PCDH7: variants seen among roughly 807,000 people sequenced by gnomAD.
The protein encoded by PCDH7 is protocadherin 7, also known as protocadherin-7.
Under a neutral mutation model 58.9 loss-of-function variants are expected in PCDH7, and 17 were observed. The ratio of observed to expected loss-of-function variants is 0.29; its 90% CI spans 0.20 to 0.43. PCDH7 has a LOEUF of 0.43. Among genes scored for constraint, PCDH7 ranks in the 20% least tolerant of loss-of-function variants. The probability of loss-of-function intolerance (pLI) is 1.00; values close to 1 mark genes in which losing one functional copy is unlikely to be tolerated. For missense variants in PCDH7, 1,274 were observed against 1,441.0 expected, an observed-to-expected ratio of 0.88 and a Z score of 1.88; for synonymous variants, 664 against 616.4, an observed-to-expected ratio of 1.08 and a Z score of -1.14.
intron 1 of PCDH7, among the ~76,000 whole-genome samples, chr4:30,757,404 T>G (rs1462286720): frequency 6.6e-6 from 1 of 152,216 alleles, no homozygotes; most frequent in Non-Finnish European, 1.5e-5. Context: ...AGAAAGGCCC[T>G]TAGCAAATGA....
At chr4:31,011,736 C>T (rs1011741497) in intron 3 of PCDH7, among the ~76,000 whole-genome samples, 14 of 151,836 alleles carry the variant, frequency 9.2e-5, no homozygotes, top group African/African-American at 3.1e-4. Context: ...TACCATAGTT[C>T]AAAACTGTAA....
At chr4:31,091,619 G>T (rs1713263753) in intron 3 of PCDH7, among the ~76,000 whole-genome samples, 1 of 151,762 alleles carries the variant, frequency 6.6e-6, no homozygotes. Context: ...ATTGCAAGAT[G>T]AAAAGGATAG....
chr4:30,914,265 T>G (rs1742134095), intron 1 of PCDH7, among the ~76,000 whole-genome samples: 1 of 152,230 alleles, frequency 6.6e-6, no homozygotes, highest in African/African-American at 2.4e-5. Flanking sequence ...TGATGGTACG[T>G]ACAATGCTGC....
At chr4:31,056,512 A>AGAAAGAAG (rs1560608886) in intron 3 of PCDH7, among the ~76,000 whole-genome samples, 17 of 101,512 alleles carry the variant, frequency 1.7e-4, no homozygotes, top group African/African-American at 5.9e-4. Context: ...AAAGAAAGAA[A>AGAAAGAAG]GAAAGGGGAA....
chr4:31,028,812 C>A (rs1184623884), intron 3 of PCDH7, among the ~76,000 whole-genome samples: 1 of 151,972 alleles, frequency 6.6e-6, no homozygotes, highest in Non-Finnish European at 1.5e-5. Context: ...AAAAGAAGCT[C>A]ATTCTAGAAT....
intron 3 of PCDH7, among the ~76,000 whole-genome samples, chr4:30,960,158 G>GGAGGGAGGGAGGGAGA (rs1748276311): frequency 7.5e-6 from 1 of 134,216 alleles, no homozygotes; most frequent in Admixed American, 7.3e-5. Context: ...AGGAAGGGAG[G>GGAGGGAGGGAGGGAGA]GAGGGAGGGA....
chr4:31,116,049 T>C (rs555676951), intron 3 of PCDH7, among the ~76,000 whole-genome samples: 4 of 152,292 alleles, frequency 2.6e-5, no homozygotes, highest in South Asian at 2.1e-4. Context: ...TCCCTGTCTA[T>C]ATGCAGGTTA....
chr4:30,793,424 T>C (rs1195624207), intron 1 of PCDH7, among the ~76,000 whole-genome samples: 1 of 152,148 alleles, frequency 6.6e-6, no homozygotes, highest in East Asian at 1.9e-4. Context: ...AATACAACAG[T>C]CTATTTCATG....
At chr4:30,892,939 C>T (rs2109385526) in intron 1 of PCDH7, among the ~76,000 whole-genome samples, 1 of 152,206 alleles carries the variant, frequency 6.6e-6, no homozygotes, top group South Asian at 2.1e-4. Context: ...AGGCCACTTC[C>T]TGTTACCACT....
intron 3 of PCDH7, among the ~76,000 whole-genome samples, chr4:30,956,883 G>A (rs530947750): frequency 6.6e-6 from 1 of 152,190 alleles, no homozygotes; most frequent in South Asian, 2.1e-4. Flanking sequence ...AAATAGGAAA[G>A]CAAACAAAAA....
chr4:30,942,278 A>G (rs559636404), intron 2 of PCDH7, among the ~76,000 whole-genome samples: 2 of 151,946 alleles, frequency 1.3e-5, no homozygotes, highest in South Asian at 4.2e-4. Context: ...ATCTACATTG[A>G]ATTGTGTTAG....
chr4:31,126,825 A>C (rs1277310402), intron 3 of PCDH7, among the ~76,000 whole-genome samples: 2 of 152,204 alleles, frequency 1.3e-5, no homozygotes, highest in East Asian at 3.9e-4. Flanking sequence ...GATGATTTCT[A>C]TTGCTAACAA....
chr4:31,068,279 T>G (rs963899836), intron 3 of PCDH7, among the ~76,000 whole-genome samples: 1 of 150,802 alleles, frequency 6.6e-6, no homozygotes, highest in Non-Finnish European at 1.5e-5. Context: ...TCCTCTCAAT[T>G]TTGCGGTGAA....
At chr4:30,725,305 C>A in intron 1 of PCDH7, 1 of 992,106 alleles carries the variant, frequency 1.0e-6, no homozygotes, top group Non-Finnish European at 1.2e-6. Flanking sequence ...TAAAAGTTTG[C>A]AAACAAAAAT....
chr4:30,869,983 G>A (rs922355149), intron 1 of PCDH7, among the ~76,000 whole-genome samples: 3 of 151,840 alleles, frequency 2.0e-5, no homozygotes, highest in Non-Finnish European at 4.4e-5. Flanking sequence ...ATTCTAACTG[G>A]TGTGAGATGG....
intron 3 of PCDH7, among the ~76,000 whole-genome samples, chr4:30,981,218 C>A (rs1350643594): frequency 6.6e-6 from 1 of 152,194 alleles, no homozygotes. Flanking sequence ...ACACTCCCCC[C>A]ATTCCTCTGT....
intron 3 of PCDH7, among the ~76,000 whole-genome samples, chr4:30,964,250 ATTT>A (rs61539074): frequency 2.6e-3 from 276 of 106,784 alleles, no homozygotes; most frequent in African/African-American, 0.015. Flanking sequence ...TTATTTATTT[ATTT>A]TTTTTTGAGA....
intron 3 of PCDH7, among the ~76,000 whole-genome samples, chr4:31,003,088 A>G (rs1578534264): frequency 6.6e-6 from 1 of 152,248 alleles, no homozygotes; most frequent in Non-Finnish European, 1.5e-5. Flanking sequence ...TAGAAGAAAT[A>G]AAATCATGCT....
chr4:30,799,387 C>T (rs1490934300), intron 1 of PCDH7, among the ~76,000 whole-genome samples: 1 of 152,168 alleles, frequency 6.6e-6, no homozygotes, highest in African/African-American at 2.4e-5. Context: ...ATTGTTGAAG[C>T]CATTCTTAAT....
Sources: gnomAD v4.1 joint callset for allele counts (sites outside exome capture counted in the v4.1 genomes callset) on GRCh38, gnomAD v4.1.1 for gene constraint, MANE v1.5 for transcripts, NCBI Gene and HGNC (gene_info 2026-07-23, HGNC 2026-07-21) for gene names.